Variants in MTCL2 observed in about 807,000 individuals in gnomAD.
MTCL2 encodes microtubule crosslinking factor 2, also known as microtubule cross-linking factor 2.
chr20:36,858,460 GAAAACACACACACACACA>G, the MTCL2 span, among the ~76,000 whole-genome samples: 2 of 30,416 alleles, frequency 6.6e-5, no homozygotes, highest in Non-Finnish European at 1.1e-4. Context: ...ACCAAGGAGG[GAAAACACACACACACACA>G]CACACACACA....
the MTCL2 span, among the ~76,000 whole-genome samples, chr20:36,841,874 G>GGGGC: frequency 9.0e-6 from 1 of 110,768 alleles, no homozygotes; most frequent in African/African-American, 3.2e-5. Flanking sequence ...TGGGGGGTGG[G>GGGGC]GTGTGTGTGT....
At chr20:36,829,671 C>A in the MTCL2 span, among the ~76,000 whole-genome samples, 1 of 152,014 alleles carries the variant, frequency 6.6e-6, no homozygotes, top group Admixed American at 6.6e-5. Flanking sequence ...GTATGCATAA[C>A]CACAACTGGC....
chr20:36,793,839 G>T, the MTCL2 span: 1 of 1,544,870 alleles, frequency 6.5e-7, no homozygotes, highest in Non-Finnish European at 8.7e-7. This position sits in a 1 kb window ranked among gnomAD's most constrained non-coding sequence, Gnocchi z 6.8. Context: ...TGCTTGCTGC[G>T]CACAGACACG....
At chr20:36,808,568 A>ATTT in the MTCL2 span, 1 of 1,610,890 alleles carries the variant, frequency 6.2e-7, no homozygotes, top group Non-Finnish European at 8.5e-7. Flanking sequence ...CCAGCGCTTG[A>ATTT]GGAACCACCT....
chr20:36,824,413 C>A, the MTCL2 span, among the ~76,000 whole-genome samples: 2 of 152,038 alleles, frequency 1.3e-5, no homozygotes, highest in Non-Finnish European at 2.9e-5. Context: ...GTAAAAGAGG[C>A]CAGTCACCAA....
chr20:36,820,592 A>G, the MTCL2 span, among the ~76,000 whole-genome samples: 2 of 152,240 alleles, frequency 1.3e-5, no homozygotes, highest in African/African-American at 4.8e-5. Flanking sequence ...CTGTAATTCC[A>G]GCTTTTGGGG....
At chr20:36,836,590 C>T in the MTCL2 span, among the ~76,000 whole-genome samples, 2 of 151,898 alleles carry the variant, frequency 1.3e-5, no homozygotes, top group East Asian at 1.9e-4. Context: ...GTGATCCATC[C>T]GCCTCGGCCT....
chr20:36,788,624 C>A, the MTCL2 span, among the ~76,000 whole-genome samples: 1 of 151,888 alleles, frequency 6.6e-6, no homozygotes, highest in Admixed American at 6.6e-5. Flanking sequence ...GGCAACAGAG[C>A]GAGACTCCGT....
At chr20:36,849,548 C>G in the MTCL2 span, among the ~76,000 whole-genome samples, 1 of 152,144 alleles carries the variant, frequency 6.6e-6, no homozygotes, top group Non-Finnish European at 1.5e-5. Context: ...CATCCTCCCA[C>G]TTCAGCCTCC....
At chr20:36,799,871 A>G in the MTCL2 span, among the ~76,000 whole-genome samples, 1 of 152,218 alleles carries the variant, frequency 6.6e-6, no homozygotes, top group Non-Finnish European at 1.5e-5. Context: ...TTATTTCCAT[A>G]GCTGCCTTGC....
chr20:36,783,940 T>C, the MTCL2 span: 1 of 985,442 alleles, frequency 1.0e-6, no homozygotes, highest in Non-Finnish European at 1.2e-6. Context: ...GCAGGAACAG[T>C]GATGAGTGGC....
chr20:36,817,532 C>A, the MTCL2 span: 794 of 1,467,144 alleles, frequency 5.4e-4, 6 homozygotes, highest in Middle Eastern at 9.0e-4. Context: ...CAGAATGATG[C>A]ACATGCAGAG....
At chr20:36,862,535 G>C in the MTCL2 span, 1 of 951,800 alleles carries the variant, frequency 1.1e-6, no homozygotes, top group East Asian at 3.3e-5. Context: ...GTGGTCCCCA[G>C]AGGGCTTGGG....
chr20:36,841,969 A>G, the MTCL2 span, among the ~76,000 whole-genome samples: 1 of 150,428 alleles, frequency 6.6e-6, no homozygotes, highest in Non-Finnish European at 1.5e-5. Flanking sequence ...GAGCTCAAGC[A>G]ATCTGCCTAG....
chr20:36,804,810 C>T, the MTCL2 span: 1 of 1,614,002 alleles, frequency 6.2e-7, no homozygotes, highest in Non-Finnish European at 8.5e-7. Flanking sequence ...GTTGCTGAAG[C>T]TCCGTCAGAC....
the MTCL2 span, chr20:36,863,169 G>T: frequency 7.4e-7 from 1 of 1,342,782 alleles, no homozygotes; most frequent in South Asian, 1.7e-5. This position sits in a 1 kb window ranked among gnomAD's most constrained non-coding sequence, Gnocchi z 6.2. Context: ...GCAGGCGACT[G>T]CTGAGCCCGG....
At chr20:36,856,869 C>A in the MTCL2 span, among the ~76,000 whole-genome samples, 1 of 151,918 alleles carries the variant, frequency 6.6e-6, no homozygotes, top group East Asian at 1.9e-4. Context: ...CGTGCGCGCA[C>A]GTGTGTGCGT....
the MTCL2 span, chr20:36,808,823 G>T: frequency 7.6e-7 from 1 of 1,317,612 alleles, no homozygotes; most frequent in South Asian, 1.4e-5. Context: ...GACAGGGGCA[G>T]GGAGGAAAGT....
the MTCL2 span, among the ~76,000 whole-genome samples, chr20:36,821,476 C>T: frequency 6.6e-6 from 1 of 151,792 alleles, no homozygotes; most frequent in African/African-American, 2.4e-5. Flanking sequence ...TGCAGTGAGC[C>T]GAGATCACAC....
Sources: allele counts gnomAD v4.1 joint callset (sites outside exome capture counted in the v4.1 genomes callset), GRCh38; gene constraint gnomAD v4.1.1; non-coding constraint Gnocchi (gnomAD v3.1); transcripts MANE v1.5; gene names NCBI Gene and HGNC (gene_info 2026-07-23, HGNC 2026-07-21).